PDHX: variants seen among roughly 807,000 people sequenced by gnomAD.
The protein encoded by PDHX is pyruvate dehydrogenase protein X component, mitochondrial.
A neutral mutation model predicts 55.3 loss-of-function variants in PDHX; 33 were observed. That is an observed-to-expected ratio of 0.60 (90% CI 0.45 to 0.80). The LOEUF (loss-of-function observed/expected upper bound fraction) is 0.80. Ranked by LOEUF, PDHX falls within the 30% of genes least tolerant of loss-of-function variation. The pLI is 0.00. For synonymous variants in PDHX, 226 were observed against 219.4 expected (o/e 1.03, Z -0.27); for missense variants, 622 against 619.9 (o/e 1.00, Z -0.04).
At chr11:34,930,250 T>C (rs958331385) in intron 1 of PDHX, among the ~76,000 whole-genome samples, 2 of 152,202 alleles carry the variant, frequency 1.3e-5, no homozygotes, top group African/African-American at 4.8e-5. Flanking sequence ...CTCCAGACCT[T>C]CAGAGTGAAG....
At chr11:34,948,278 A>C (rs150784229) in intron 3 of PDHX, among the ~76,000 whole-genome samples, 18 of 152,310 alleles carry the variant, frequency 1.2e-4, no homozygotes, top group Non-Finnish European at 1.9e-4. Flanking sequence ...TTAGTCCCCA[A>C]GTCAGTCTGT....
intron 5 of PDHX, among the ~76,000 whole-genome samples, chr11:34,962,588 T>C (rs1018717828): frequency 1.3e-5 from 2 of 152,142 alleles, no homozygotes; most frequent in African/African-American, 4.8e-5. Context: ...GAGGTAGATT[T>C]GGTAGATAAT....
chr11:34,983,774 A>C (rs1433825895), intron 8 of PDHX, among the ~76,000 whole-genome samples: 2 of 152,216 alleles, frequency 1.3e-5, no homozygotes, highest in Non-Finnish European at 2.9e-5. Context: ...GAAATAAAAG[A>C]GAATACAAAC....
intron 2 of PDHX, among the ~76,000 whole-genome samples, chr11:34,944,353 C>T (rs1854572227): frequency 6.6e-6 from 1 of 152,040 alleles, no homozygotes; most frequent in Non-Finnish European, 1.5e-5. Flanking sequence ...CCCCTGGCCT[C>T]AGGTGATCCA....
At chr11:34,948,471 A>G (rs1330341298) in intron 3 of PDHX, among the ~76,000 whole-genome samples, 2 of 152,030 alleles carry the variant, frequency 1.3e-5, no homozygotes, top group Admixed American at 6.5e-5. Flanking sequence ...CTTCCTTTGT[A>G]TATTCTATTC....
chr11:34,955,334 T>C (rs1035126749), intron 3 of PDHX, among the ~76,000 whole-genome samples: 7 of 152,174 alleles, frequency 4.6e-5, no homozygotes, highest in African/African-American at 1.7e-4. Context: ...TACTACAGTG[T>C]AAGCAAATGC....
chr11:34,994,004 G>A (rs906514597), intron 10 of PDHX, among the ~76,000 whole-genome samples: 3 of 152,020 alleles, frequency 2.0e-5, no homozygotes, highest in African/African-American at 7.2e-5. Flanking sequence ...TATTATAAAT[G>A]GTATTGTTTT....
chr11:34,992,436 A>G, intron 10 of PDHX, 57 bp downstream of exon 10: 2 of 886,798 alleles, frequency 2.3e-6, no homozygotes, highest in East Asian at 4.9e-5. Flanking sequence ...TAAGACTTAT[A>G]AAGTCCCTGT....
intron 3 of PDHX, among the ~76,000 whole-genome samples, chr11:34,949,186 C>G (rs950150121): frequency 6.6e-6 from 1 of 152,160 alleles, no homozygotes; most frequent in Admixed American, 6.5e-5. Context: ...CTCTTCACAA[C>G]AAGATGTTGC....
At chr11:34,916,966 G>A (rs1379747041) in intron 1 of PDHX, 151 bp downstream of exon 1, 1 of 814,156 alleles carries the variant, frequency 1.2e-6, no homozygotes, top group African/African-American at 1.7e-5. Flanking sequence ...CCGCCGACTT[G>A]GCCTAATGCA....
chr11:34,933,434 T>A (rs945195460), intron 2 of PDHX, among the ~76,000 whole-genome samples: 6 of 152,236 alleles, frequency 3.9e-5, no homozygotes, highest in Non-Finnish European at 7.3e-5. Context: ...GTATTGTTAT[T>A]CTAAGGCTTT....
intron 1 of PDHX, among the ~76,000 whole-genome samples, chr11:34,918,828 G>A (rs981039925): frequency 6.6e-6 from 1 of 152,152 alleles, no homozygotes; most frequent in Non-Finnish European, 1.5e-5. Context: ...CCAGATTCTA[G>A]AGGTTTCTAA....
chr11:34,925,895 G>T (rs1295187531), intron 1 of PDHX, among the ~76,000 whole-genome samples: 1 of 152,148 alleles, frequency 6.6e-6, no homozygotes, highest in Non-Finnish European at 1.5e-5. Context: ...AATAATGAAT[G>T]CAAATATTCC....
intron 1 of PDHX, among the ~76,000 whole-genome samples, chr11:34,923,458 A>G (rs1853945259): frequency 6.6e-6 from 1 of 152,318 alleles, no homozygotes; most frequent in African/African-American, 2.4e-5. Flanking sequence ...AATTTTATAT[A>G]TAATTCTGAG....
intron 3 of PDHX, among the ~76,000 whole-genome samples, chr11:34,953,521 A>T (rs1035561881): frequency 1.3e-5 from 2 of 152,220 alleles, no homozygotes; most frequent in South Asian, 2.1e-4. Context: ...GTTATGACAG[A>T]TTGTGAGGAA....
At chr11:34,985,564 T>G (rs958629473) in intron 9 of PDHX, among the ~76,000 whole-genome samples, 3 of 152,220 alleles carry the variant, frequency 2.0e-5, no homozygotes, top group African/African-American at 7.2e-5. Flanking sequence ...GTACATCGAA[T>G]AGGCAAGAAC....
intron 6 of PDHX, 97 bp downstream of exon 6, chr11:34,966,911 G>T (rs1331740309): frequency 3.7e-6 from 4 of 1,080,440 alleles, no homozygotes; most frequent in Non-Finnish European, 5.5e-6. Flanking sequence ...GAGTGCAATG[G>T]CACAATCTTG....
At chr11:34,936,367 C>T (rs1314897222) in intron 2 of PDHX, among the ~76,000 whole-genome samples, 1 of 152,022 alleles carries the variant, frequency 6.6e-6, no homozygotes, top group African/African-American at 2.4e-5. Context: ...TAATGACTAA[C>T]ATCGTAATTG....
intron 6 of PDHX, among the ~76,000 whole-genome samples, chr11:34,969,595 G>A (rs1383624646): frequency 6.6e-6 from 1 of 152,082 alleles, no homozygotes. Flanking sequence ...ACCTGCCTCA[G>A]CCTCCCAAAG....
Sources: gnomAD v4.1 joint callset for allele counts (sites outside exome capture counted in the v4.1 genomes callset) on GRCh38, gnomAD v4.1.1 for gene constraint, MANE v1.5 for transcripts, NCBI Gene and HGNC (gene_info 2026-07-23, HGNC 2026-07-21) for gene names.